CCDC171: variants seen among roughly 807,000 people sequenced by gnomAD.
The protein encoded by CCDC171 is coiled-coil domain containing 171.
A neutral mutation model predicts 168.2 loss-of-function variants in CCDC171; 177 were observed. The ratio of observed to expected loss-of-function variants is 1.05; its 90% CI spans 0.93 to 1.19. The LOEUF (loss-of-function observed/expected upper bound fraction) is 1.19, where lower values mean the gene tolerates loss of function less well. Among genes scored for constraint, CCDC171 ranks in the 50% most tolerant of loss-of-function variants. The pLI, the probability that CCDC171 is intolerant of heterozygous loss-of-function variation, is 0.00. For missense variants in CCDC171, 1,991 were observed against 1,539.0 expected (o/e 1.29, Z -4.91); for synonymous variants, 687 against 540.8 (o/e 1.27, Z -3.75).
chr9:16,069,971 C>G, the CCDC171 span, among the ~76,000 whole-genome samples: 1 of 152,096 alleles, frequency 6.6e-6, no homozygotes, highest in Non-Finnish European at 1.5e-5. Flanking sequence ...TCATTCTGTC[C>G]GTCTGCCAGA....
At chr9:15,634,970 G>C (rs889062780) in intron 7 of CCDC171, among the ~76,000 whole-genome samples, 1 of 152,142 alleles carries the variant, frequency 6.6e-6, no homozygotes, top group Non-Finnish European at 1.5e-5. Flanking sequence ...GCATGTATTA[G>C]TGCTTCATTC....
At chr9:15,564,624 T>C (rs1042750973) in intron 2 of CCDC171, among the ~76,000 whole-genome samples, 1 of 152,228 alleles carries the variant, frequency 6.6e-6, no homozygotes, top group Non-Finnish European at 1.5e-5. Flanking sequence ...GTTGCTCATC[T>C]TTTTTGTACC....
chr9:15,777,913 T>C (rs2057419496), intron 19 of CCDC171, 87 bp downstream of exon 19: 1 of 802,194 alleles, frequency 1.2e-6, no homozygotes, highest in Admixed American at 3.4e-5. Flanking sequence ...AATTATTAGT[T>C]GTACATGAAT....
chr9:16,037,692 A>C (rs1198722219), intron 8 of CCDC171, among the ~76,000 whole-genome samples: 1 of 152,224 alleles, frequency 6.6e-6, no homozygotes, highest in African/African-American at 2.4e-5. Context: ...TTCTAAAAGT[A>C]ATAAATATTG....
chr9:16,097,753 C>T, the CCDC171 span, among the ~76,000 whole-genome samples: 1 of 152,182 alleles, frequency 6.6e-6, no homozygotes, highest in Non-Finnish European at 1.5e-5. Context: ...TACAAAGAGG[C>T]TCATTGAGAT....
At chr9:15,614,034 T>C (rs1407169484) in intron 6 of CCDC171, among the ~76,000 whole-genome samples, 2 of 152,160 alleles carry the variant, frequency 1.3e-5, no homozygotes, top group Non-Finnish European at 2.9e-5. Context: ...TGCTGAGTGG[T>C]TCTTTCTTTA....
At position 15,786,526 on chromosome 9, in the gene CCDC171, TTTAC is replaced by T. The variant is rs372969696; in HGVS notation, c.3267+1839_3267+1842del. Reference sequence around the variant, plus strand: ...AATCATACTATTATACATATTGTTTTTTACTTACTTCAAACACCATGTCAAGGAT... The same window carrying T: ...AATCATACTATTATACATATTGTTTTTTACTTCAAACACCATGTCAAGGAT... On this transcript the variant is annotated intron_variant, in intron 21 of 25. Coordinates refer to ENST00000380701, the MANE Select transcript of CCDC171 (RefSeq NM_173550.4). 5.3e-3 allele frequency among the ~76,000 whole-genome samples: 808 copies of T among 152,292 alleles called. 9 individuals are homozygous for T. Among genetic ancestry groups the T allele is most frequent in the African/African-American group, 0.018 (759 of 41,558 alleles).
intron 3 of CCDC171, among the ~76,000 whole-genome samples, chr9:16,016,650 C>A (rs1833028713): frequency 6.6e-6 from 1 of 152,170 alleles, no homozygotes; most frequent in Non-Finnish European, 1.5e-5. Context: ...CATTAAGAAG[C>A]AGCATGTGTT....
chr9:15,777,926 A>G (rs1405007878), intron 19 of CCDC171, 100 bp downstream of exon 19: 1 of 744,602 alleles, frequency 1.3e-6, no homozygotes, highest in East Asian at 2.9e-5. Flanking sequence ...ACATGAATGT[A>G]TCTGGATTTT....
intron 3 of CCDC171, among the ~76,000 whole-genome samples, chr9:15,576,489 G>A (rs2040676336): frequency 1.3e-5 from 2 of 152,104 alleles, no homozygotes. Flanking sequence ...CACCTGGCCA[G>A]CATTTTAATT....
At chr9:15,646,292 T>C (rs1053186427) in intron 7 of CCDC171, among the ~76,000 whole-genome samples, 2 of 151,968 alleles carry the variant, frequency 1.3e-5, no homozygotes, top group Non-Finnish European at 2.9e-5. Context: ...CCTGCAAAAA[T>C]ATGCCAAATT....
At chr9:15,563,899 A>G (rs2039514784) in intron 1 of CCDC171, 79 bp from the exon 2 acceptor site, 1 of 545,202 alleles carries the variant, frequency 1.8e-6, no homozygotes, top group Non-Finnish European at 3.2e-6. Context: ...ACATCTTTCC[A>G]AAATAAACCA....
At chr9:15,888,632 T>C (rs1458147977) in intron 24 of CCDC171, among the ~76,000 whole-genome samples, 1 of 152,184 alleles carries the variant, frequency 6.6e-6, no homozygotes, top group South Asian at 2.1e-4. Context: ...TAGAATTGTT[T>C]CGCTTATTAT....
chr9:15,607,430 T>C (rs1229301609), intron 6 of CCDC171, among the ~76,000 whole-genome samples: 4 of 152,202 alleles, frequency 2.6e-5, no homozygotes, highest in African/African-American at 7.2e-5. Flanking sequence ...TAGAATATCA[T>C]ACAGGATGCT....
chr9:15,818,740 GA>G (rs1185833470), intron 21 of CCDC171, among the ~76,000 whole-genome samples: 1 of 118,162 alleles, frequency 8.5e-6, no homozygotes, highest in East Asian at 2.1e-4. Flanking sequence ...AAGTGACAGG[GA>G]GAATGGAACC....
At position 15,820,767 on chromosome 9, in the gene CCDC171, G is replaced by A. The variant is rs1385826126; in HGVS notation, c.3268-25935G>A. 1.7e-5 allele frequency among the ~76,000 whole-genome samples: 2 copies of A among 117,436 alleles called. 1 individual carries two copies. Among genetic ancestry groups the A allele is most frequent in the African/African-American group, 6.4e-5 (2 of 31,232 alleles). The allele number at this position is 117,436 out of a possible 152,430, so 77.0% of individuals were successfully genotyped here. ...GAATTCTACCAGAGGTACAGGAGGAGCTGGTACCATTCCTTCTGAAACTAT... is the reference window on the plus strand; with the variant it reads ...GAATTCTACCAGAGGTACAGGAGGAACTGGTACCATTCCTTCTGAAACTAT... On this transcript the variant is annotated intron_variant, in intron 21 of 25. Coordinates refer to ENST00000380701, the MANE Select transcript of CCDC171 (RefSeq NM_173550.4).
chr9:15,815,035 G>A (rs1288758532), intron 21 of CCDC171, among the ~76,000 whole-genome samples: 3 of 152,052 alleles, frequency 2.0e-5, no homozygotes, highest in Admixed American at 1.3e-4. Context: ...TGGCTTAGGG[G>A]GAAAAAATAA....
intron 6 of CCDC171, among the ~76,000 whole-genome samples, chr9:15,612,694 C>G (rs2043788991): frequency 6.6e-6 from 1 of 152,082 alleles, no homozygotes; most frequent in Non-Finnish European, 1.5e-5. Flanking sequence ...TCATTTCTAC[C>G]TTTGTTATTT....
intron 6 of CCDC171, among the ~76,000 whole-genome samples, chr9:16,028,176 G>C (rs539835366): frequency 7.1e-4 from 108 of 152,308 alleles, no homozygotes; most frequent in African/African-American, 2.4e-3. Context: ...GCGGCAATTA[G>C]TGTTGCAAAT....
Sources: allele counts gnomAD v4.1 joint callset (sites outside exome capture counted in the v4.1 genomes callset), GRCh38; gene constraint gnomAD v4.1.1; transcripts MANE v1.5; gene names NCBI Gene and HGNC (gene_info 2026-07-23, HGNC 2026-07-21).